The following ARHGAP4 variants were observed in gnomAD, a reference collection of about 807,000 sequenced individuals.
ARHGAP4 encodes the protein rho GTPase-activating protein 4.
In ARHGAP4, 25 loss-of-function variants were observed where a neutral mutation model predicts 67.6. That is an observed-to-expected ratio of 0.37 (90% CI 0.27 to 0.52). The LOEUF is 0.52. Among genes scored for constraint, ARHGAP4 ranks in the 20% least tolerant of loss-of-function variants. ARHGAP4 has a pLI of 0.92. For missense variants in ARHGAP4, 804 were observed against 854.6 expected (o/e 0.94, Z 0.74); for synonymous variants, 448 against 373.7 (o/e 1.20, Z -2.29).
intron 20 of ARHGAP4, 33 bp downstream of exon 20, chrX:153,909,410 G>A (rs782435401): frequency 5.2e-5 from 54 of 1,041,596 alleles, no homozygotes; most frequent in African/African-American, 2.8e-4. Context: ...AACAGCACAC[G>A]TGTGGCCCCC....
Position 153,909,787 on chromosome X carries a change from C to T in ARHGAP4, c.2368G>A (p.Gly790Ser), listed in dbSNP as rs781900755. ...SSDWWRGEHN[G>S]MRGLIPHKYI... ...TTGTGGGGGATGAGGCCCCGCATGCCGTTGTGCTCCCCCCGCCACCAGTCG... is the reference window on the plus strand; with the variant it reads ...TTGTGGGGGATGAGGCCCCGCATGCTGTTGTGCTCCCCCCGCCACCAGTCG... The change falls in exon 19 of 22, where the codon GGC becomes AGC. Residue 790 changes from glycine to serine, a missense_variant. Around this residue, in one of 2 missense-constraint regions of ARHGAP4, gnomAD observed 400 missense variants for 348.7 expected, o/e 1.15. Transcript: ENST00000350060. 4.2e-6 allele frequency: 5 copies of T among 1,200,331 alleles called. No homozygotes were observed. The highest frequency in any genetic ancestry group is 4.5e-5 in the Admixed American group (2 of 44,809).
chrX:153,910,527 T>C lies in ARHGAP4; in HGVS notation c.1901A>G (p.Tyr634Cys). ...LPAPVLVVLRYLFTFLNHLAQ... is the reference protein window; with the variant it reads ...LPAPVLVVLRCLFTFLNHLAQ... ...TCACTGGTTGAGGAAGGTGAAGAGG[T>C]AGCGCAGAACCACCAGCACCGGCGC... Residue 634 changes from tyrosine to cysteine, a missense_variant, in exon 16 of 22, where the codon TAC (tyrosine) becomes TGC (cysteine). Tyr to Cys is a radical substitution (Grantham distance 194, BLOSUM62 -2). This residue lies in a region of ARHGAP4 where 400 missense variants were observed against 348.7 expected (regional missense o/e 1.15). Transcript: ENST00000350060. The C allele has an allele frequency of 8.5e-7, 1 of 1,179,442 alleles. No homozygotes were observed. The highest frequency in any genetic ancestry group is 1.1e-6 in the Non-Finnish European group (1 of 885,357).
chrX:153,920,101 C>G (rs1318053986), intron 5 of ARHGAP4, among the ~76,000 whole-genome samples: 2 of 112,092 alleles, frequency 1.8e-5, no homozygotes, highest in African/African-American at 6.5e-5. Flanking sequence ...GGCACGCTAA[C>G]CACAGCAGCC....
chrX:153,918,872 G>A lies in ARHGAP4; in HGVS notation c.992C>T (p.Pro331Leu). 8.2e-7 allele frequency: 1 copy of A among 1,212,241 alleles called. No homozygotes were observed. Among genetic ancestry groups the A allele is most frequent in the Non-Finnish European group, 1.1e-6 (1 of 895,576 alleles). The change falls in exon 7 of 22, where the codon CCC (proline) becomes CTC (leucine). Residue 331 changes from proline (P) to leucine (L), a missense_variant. Pro to Leu is a moderately conservative substitution (Grantham distance 98). Around this residue, in one of 2 missense-constraint regions of ARHGAP4, gnomAD observed 404 missense variants for 505.9 expected, o/e 0.80. Transcript: ENST00000350060. ...GGGGTGGTAGTCAAAGCGCAGCGGG[G>A]GACAGAAGACGGTAGCATGCACCTC... is the stretch of plus-strand genomic sequence containing the variant. ...VLEVHATVFC[P>L]PLRFDYHPHD...
rs370149298 is a variant in ARHGAP4, at chrX:153,907,803, G to A, written c.2767C>T (p.Arg923Trp). Reference protein sequence around the residue: ...SRLGRNKGFSRGPGAPASPSA... With the variant: ...SRLGRNKGFSWGPGAPASPSA... ...GGTGAGGCTGGGGCCCCAGGGCCCCGGGAGAAGCCTTTGTTCCTGCCCAGG... is the reference window on the plus strand; with the variant it reads ...GGTGAGGCTGGGGCCCCAGGGCCCCAGGAGAAGCCTTTGTTCCTGCCCAGG... The change falls in exon 22 of 22, where the codon CGG (arginine) becomes TGG (tryptophan). Residue 923 changes from arginine (R) to tryptophan (W), a missense_variant. Physicochemically the swap from Arg to Trp is moderately radical, Grantham distance 101. Coordinates refer to ENST00000350060, the MANE Select transcript of ARHGAP4 (RefSeq NM_001666.5). 6.9e-6 allele frequency: 7 copies of A among 1,010,450 alleles called. No individual in the cohort carries two copies. Among genetic ancestry groups the A allele is most frequent in the South Asian group, 4.2e-5 (1 of 24,031 alleles). 83.3% of individuals were successfully genotyped at this position (1,010,450 alleles called of 1,213,427 possible).
chrX:153,913,745 G>A (rs781950529), intron 8 of ARHGAP4, 33 bp downstream of exon 8: 42 of 1,197,027 alleles, frequency 3.5e-5, no homozygotes, highest in Middle Eastern at 4.6e-4. Context: ...CCAGGCCCTC[G>A]TCTCCCTCTA....
chrX:153,921,287 TCCAGTGCCCTC>T (rs1435358182), intron 3 of ARHGAP4, 67 bp downstream of exon 3: 9 of 1,193,485 alleles, frequency 7.5e-6, no homozygotes, highest in Non-Finnish European at 1.0e-5. Flanking sequence ...CCACCTGGCC[TCCAGTGCCCTC>T]CCAGCCACAG....
chrX:153,916,331 A>G (rs1234468659), intron 7 of ARHGAP4, among the ~76,000 whole-genome samples: 2 of 113,184 alleles, frequency 1.8e-5, no homozygotes, highest in Admixed American at 1.9e-4. Context: ...AGATCCCCTA[A>G]GGCAAGCCCA....
chrX:153,914,514 G>A (rs1168395808), intron 7 of ARHGAP4, among the ~76,000 whole-genome samples: 3 of 111,671 alleles, frequency 2.7e-5, no homozygotes, highest in East Asian at 2.8e-4. Flanking sequence ...TGGCCAACAC[G>A]GTGAAACCCT....
In ARHGAP4 at chrX:153,911,120, C is replaced by A. The variant is rs3213441; in HGVS notation, c.1603+9G>T. The stretch of plus-strand genomic sequence containing the variant: ...GCCAGGACATCGGGAGGGGCTGGGT[C>A]CTGCTTACCATTGAGGTTGATGAAG... On this transcript the variant is annotated intron_variant, in intron 13 of 21. Coordinates refer to ENST00000350060, the MANE Select transcript of ARHGAP4 (RefSeq NM_001666.5). 1 of 1,169,573 alleles carries A rather than the reference C, an allele frequency of 8.6e-7. No homozygotes were observed. Among genetic ancestry groups the A allele is most frequent in the Admixed American group, 2.6e-5 (1 of 39,131 alleles).
intron 1 of ARHGAP4, among the ~76,000 whole-genome samples, chrX:153,923,034 C>T (rs1250275430): frequency 3.6e-5 from 4 of 110,718 alleles, no homozygotes; most frequent in Non-Finnish European, 5.7e-5. Context: ...GCTGGCTGTA[C>T]GTGGGCAGTA....
At position 153,916,273 on chromosome X, in the gene ARHGAP4, G is replaced by A. The variant is rs782129930; in HGVS notation, c.1033-2394C>T. 6.6e-3 allele frequency among the ~76,000 whole-genome samples: 747 copies of A among 112,784 alleles called. 4 individuals carry two copies. Among genetic ancestry groups the A allele is most frequent in the Non-Finnish European group, 0.011 (599 of 53,250 alleles). On this transcript the variant is annotated intron_variant, in intron 7 of 21. Coordinates refer to ENST00000350060, the MANE Select transcript of ARHGAP4 (RefSeq NM_001666.5). ...CAATCATACAATTACCCTGCTTCCAGAAGGCATCCAATCCAGGACCAAGCC... is the reference window on the plus strand; with the variant it reads ...CAATCATACAATTACCCTGCTTCCAAAAGGCATCCAATCCAGGACCAAGCC...
Position 153,920,620 on chromosome X carries a change from G to A in ARHGAP4, c.681+6C>T. On this transcript the variant is annotated splice_donor_region_variant and intron_variant, in intron 5 of 21. Coordinates refer to ENST00000350060, the MANE Select transcript of ARHGAP4 (RefSeq NM_001666.5). ...GGCCTGCGTCTGAGGTGCCCTCCAG[G>A]CCCACCTTCTCCACCAGCCTCCCTC... 8.4e-7 allele frequency: 1 copy of A among 1,196,535 alleles called. No individual in the cohort carries two copies. Among genetic ancestry groups the A allele is most frequent in the Non-Finnish European group, 1.1e-6 (1 of 887,973 alleles).
At chrX:153,921,186 G>C (rs782459878) in intron 3 of ARHGAP4, 27 bp from the exon 4 acceptor site, 2 of 1,192,079 alleles carry the variant, frequency 1.7e-6, no homozygotes, top group Non-Finnish European at 2.3e-6. Flanking sequence ...GGGTGAGCAC[G>C]GCACTGCCCA....
At chrX:153,921,252 C>G in intron 3 of ARHGAP4, 93 bp from the exon 4 acceptor site, 1 of 1,176,405 alleles carries the variant, frequency 8.5e-7, no homozygotes, top group Non-Finnish European at 1.1e-6. Flanking sequence ...ATCGGGGGGG[C>G]ACACAGGTTC....
intron 4 of ARHGAP4, 112 bp from the exon 5 acceptor site, chrX:153,920,920 T>C: frequency 9.6e-7 from 1 of 1,045,765 alleles, no homozygotes. Context: ...GGCGATCCCA[T>C]GTGAGCACTT....
intron 1 of ARHGAP4, chrX:153,922,578 A>C (rs1569546090): frequency 7.8e-6 from 2 of 256,762 alleles, no homozygotes; most frequent in Non-Finnish European, 1.1e-5. Context: ...CTTCCCCCAC[A>C]CAGGCCTGAA....
Position 153,921,628 on chromosome X carries a change from G to A in ARHGAP4, c.249C>T (p.Ser83=), listed in dbSNP as rs1557105374. ...ACCGGAAGCTTTGGTGCTCCCGGCT[G>A]CTCCCCAGGCGGCCTCCACGGCTGG... ...RFSSRGGRLG[S]SREHQSFRKE... Residue 83 remains serine, a synonymous_variant, in exon 2 of 22, where the codon AGC becomes AGT. Transcript: ENST00000350060. The A allele has an allele frequency of 1.7e-6, 2 of 1,209,566 alleles. No homozygotes were observed. Among genetic ancestry groups the A allele is most frequent in the Non-Finnish European group, 2.2e-6 (2 of 894,781 alleles).
intron 1 of ARHGAP4, 71 bp from the exon 2 acceptor site, chrX:153,921,880 G>C (rs1434010223): frequency 8.2e-6 from 9 of 1,092,034 alleles, no homozygotes; most frequent in Non-Finnish European, 1.1e-5. Context: ...GCGTGGGATG[G>C]GAGAGGCAGA....
Sources: allele counts gnomAD v4.1 joint callset (sites outside exome capture counted in the v4.1 genomes callset), GRCh38; gene constraint gnomAD v4.1.1; regional missense constraint gnomAD v4.1.1; transcripts MANE v1.5; gene names NCBI Gene and HGNC (gene_info 2026-07-23, HGNC 2026-07-21).